Variants in PARD3B observed in about 807,000 individuals in gnomAD.
PARD3B encodes the protein par-3 family cell polarity regulator beta, also known as partitioning defective 3 homolog B.
A neutral mutation model predicts 130.2 loss-of-function variants in PARD3B; 103 were observed. The observed-to-expected ratio is 0.79, with a 90% CI of 0.67 to 0.93. The LOEUF is 0.93. Among genes scored for constraint, PARD3B ranks in the 40% least tolerant of loss-of-function variants. The probability of loss-of-function intolerance (pLI) is 0.00; values close to 1 mark genes in which losing one functional copy is unlikely to be tolerated. For synonymous variants in PARD3B, 583 were observed against 553.2 expected (o/e 1.05, Z -0.76); for missense variants, 1,609 against 1,499.2 (o/e 1.07, Z -1.21).
rs1559591860 is a variant in PARD3B at position 205,254,672 on chromosome 2, T to TA, written c.2185+8850_2185+8851insA. ...TTTCAGTATTTTATTTTATTTTATTTTTTTTTTTTGAGATGGAGTCTCGCT... is the reference window on the plus strand; with the variant it reads ...TTTCAGTATTTTATTTTATTTTATTTATTTTTTTTTGAGATGGAGTCTCGCT... On this transcript the variant is annotated intron_variant, in intron 16 of 22. Coordinates refer to ENST00000406610, the MANE Select transcript of PARD3B (RefSeq NM_001302769.2). Among the ~76,000 whole-genome samples, 511 of 151,306 alleles carry TA rather than the reference T, an allele frequency of 3.4e-3. 2 individuals are homozygous for TA. The highest frequency in any genetic ancestry group is 0.011 in the African/African-American group (469 of 41,196).
At chr2:205,376,530 G>A (rs1042624661) in intron 18 of PARD3B, among the ~76,000 whole-genome samples, 3 of 152,168 alleles carry the variant, frequency 2.0e-5, no homozygotes, top group African/African-American at 7.2e-5. Flanking sequence ...AGTTGGGGAG[G>A]GATGAAGCTT....
At chr2:205,475,173 GA>G (rs2048983475) in intron 20 of PARD3B, among the ~76,000 whole-genome samples, 1 of 151,974 alleles carries the variant, frequency 6.6e-6, no homozygotes, top group Non-Finnish European at 1.5e-5. Context: ...TCCCCTAATA[GA>G]ATAGCGTCCC....
chr2:205,564,549 T>C lies in PARD3B; in HGVS notation c.3260+11146T>C, dbSNP rs1288325984. On this transcript the variant is annotated intron_variant, in intron 22 of 22. Coordinates refer to ENST00000406610, the MANE Select transcript of PARD3B (RefSeq NM_001302769.2). The surrounding 1 kb of genome is among the most constrained non-coding windows in gnomAD (Gnocchi z 4.6). The stretch of plus-strand genomic sequence containing the variant: ...TTTGTAGCCAGGAAACTATTGTTGG[T>C]TCTTTCACAGTGTAGTTCTGGCACA... Among the ~76,000 whole-genome samples, 1 of 152,212 alleles carries C rather than the reference T, an allele frequency of 6.6e-6. No homozygotes were observed. The highest frequency in any genetic ancestry group is 1.5e-5 in the Non-Finnish European group (1 of 68,038).
At chr2:205,435,567 C>T (rs1030782162) in intron 19 of PARD3B, among the ~76,000 whole-genome samples, 7 of 151,654 alleles carry the variant, frequency 4.6e-5, no homozygotes, top group Admixed American at 6.6e-5. Flanking sequence ...GTGTATTTCT[C>T]TCCTGCTGAA....
chr2:204,852,080 G>C (rs1417573493), intron 2 of PARD3B, among the ~76,000 whole-genome samples: 1 of 152,110 alleles, frequency 6.6e-6, no homozygotes, highest in Non-Finnish European at 1.5e-5. Context: ...TATAAGGAAG[G>C]TGTTAGAAAG....
At chr2:204,940,782 C>A (rs1688837378) in intron 2 of PARD3B, among the ~76,000 whole-genome samples, 2 of 151,994 alleles carry the variant, frequency 1.3e-5, no homozygotes, top group South Asian at 4.1e-4. Flanking sequence ...CCAATGACAC[C>A]ATCATCATGT....
chr2:205,181,394 C>T (rs1043368734), intron 13 of PARD3B, among the ~76,000 whole-genome samples: 4 of 152,190 alleles, frequency 2.6e-5, no homozygotes, highest in African/African-American at 9.7e-5. Context: ...AATACACTAT[C>T]AGGAGTGGTG....
At chr2:204,553,663 T>C (rs1286318451) in intron 1 of PARD3B, among the ~76,000 whole-genome samples, 29 of 15,922 alleles carry the variant, frequency 1.8e-3, no homozygotes, top group Admixed American at 3.5e-3. Context: ...TATATATATA[T>C]ATATATATAT....
At position 205,575,713 on chromosome 2, in the gene PARD3B, T is replaced by C. The variant is rs2053735114; in HGVS notation, c.3260+22310T>C. Among the ~76,000 whole-genome samples the C allele has an allele frequency of 6.6e-6, 1 of 152,192 alleles. No individual in the cohort carries two copies. Among genetic ancestry groups the C allele is most frequent in the Non-Finnish European group, 1.5e-5 (1 of 68,028 alleles). Reference sequence around the variant, plus strand: ...CTTTTTCATGGCTTGATAGCTCATTTCTTTCTAAGGCTGAATAATATTCCA... The same window carrying C: ...CTTTTTCATGGCTTGATAGCTCATTCCTTTCTAAGGCTGAATAATATTCCA... On this transcript the variant is annotated intron_variant, in intron 22 of 22. Transcript: ENST00000406610. This position sits in a 1 kb window ranked among gnomAD's most constrained non-coding sequence, Gnocchi z 4.6.
chr2:205,371,746 C>T (rs190252406), intron 18 of PARD3B, among the ~76,000 whole-genome samples: 5 of 152,116 alleles, frequency 3.3e-5, no homozygotes, highest in Admixed American at 6.5e-5. Context: ...AAAATTCAAC[C>T]GTTTGAAGTG....
intron 2 of PARD3B, among the ~76,000 whole-genome samples, chr2:204,921,908 C>T (rs1186844830): frequency 6.6e-6 from 1 of 152,066 alleles, no homozygotes; most frequent in Non-Finnish European, 1.5e-5. Flanking sequence ...TTATTACAAA[C>T]TAAAATCTGC....
intron 4 of PARD3B, among the ~76,000 whole-genome samples, chr2:205,103,082 AT>A (rs377422159): frequency 0.12 from 9,612 of 82,772 alleles, 482 homozygotes; most frequent in Middle Eastern, 0.27. Flanking sequence ...AAAAATATAT[AT>A]TTTTTTATTT....
At chr2:205,364,004 G>A (rs141904769) in intron 18 of PARD3B, among the ~76,000 whole-genome samples, 233 of 151,986 alleles carry the variant, frequency 1.5e-3, no homozygotes, top group African/African-American at 5.5e-3. Flanking sequence ...CATGTGTAGT[G>A]AACACAGCGA....
At chr2:205,168,318 A>AGG (rs1429954131) in intron 11 of PARD3B, among the ~76,000 whole-genome samples, 7 of 122,368 alleles carry the variant, frequency 5.7e-5, no homozygotes, top group Non-Finnish European at 3.7e-5. Flanking sequence ...AGAGAGAGAG[A>AGG]GAGTGTGTGT....
intron 2 of PARD3B, among the ~76,000 whole-genome samples, chr2:204,855,213 CT>C (rs1445858832): frequency 1.3e-5 from 2 of 152,130 alleles, no homozygotes; most frequent in Non-Finnish European, 2.9e-5. Context: ...GTGCACGACT[CT>C]AAAAAATGTA....
intron 1 of PARD3B, among the ~76,000 whole-genome samples, chr2:204,660,015 C>T (rs1440709733): frequency 6.6e-6 from 1 of 152,154 alleles, no homozygotes; most frequent in Non-Finnish European, 1.5e-5. Context: ...CAGAGGAAAA[C>T]ACCCCTACAG....
At chr2:205,513,982 A>C (rs2050691473) in intron 21 of PARD3B, among the ~76,000 whole-genome samples, 1 of 152,136 alleles carries the variant, frequency 6.6e-6, no homozygotes, top group African/African-American at 2.4e-5. Context: ...CCGCCTCCAA[A>C]GTAAGCTACT....
At chr2:204,898,664 G>GTA (rs2046734620) in intron 2 of PARD3B, among the ~76,000 whole-genome samples, 1 of 152,146 alleles carries the variant, frequency 6.6e-6, no homozygotes, top group Admixed American at 6.5e-5. Flanking sequence ...ATTAACTCCA[G>GTA]TATTTCTTTG....
At chr2:204,764,743 T>TGTGTGTG (rs1559126865) in intron 2 of PARD3B, among the ~76,000 whole-genome samples, 4 of 151,102 alleles carry the variant, frequency 2.6e-5, no homozygotes, top group Admixed American at 6.6e-5. Context: ...TGTGTGTGTG[T>TGTGTGTG]AGTTAATTTT....
Sources: allele counts gnomAD v4.1 joint callset (sites outside exome capture counted in the v4.1 genomes callset), GRCh38; gene constraint gnomAD v4.1.1; non-coding constraint Gnocchi (gnomAD v3.1); transcripts MANE v1.5; gene names NCBI Gene and HGNC (gene_info 2026-07-23, HGNC 2026-07-21).